The following MACROD2 variants were observed in gnomAD, a reference collection of about 807,000 sequenced individuals.
MACROD2 encodes the protein mono-ADP ribosylhydrolase 2.
MACROD2 carries 36 observed loss-of-function variants against 70.4 expected under a neutral mutation model. That is an observed-to-expected ratio of 0.51 (90% CI 0.39 to 0.68). MACROD2 has a LOEUF of 0.68. MACROD2 is among the 30% of genes least tolerant of loss of function. The pLI is 0.00. For missense variants in MACROD2, 496 were observed against 538.4 expected, an observed-to-expected ratio of 0.92 and a Z score of 0.78; for synonymous variants, 172 against 178.8, an observed-to-expected ratio of 0.96 and a Z score of 0.30.
At chr20:15,173,008 A>G (rs1211165795) in intron 5 of MACROD2, among the ~76,000 whole-genome samples, 1 of 152,160 alleles carries the variant, frequency 6.6e-6, no homozygotes, top group Non-Finnish European at 1.5e-5. Flanking sequence ...AAGAATATTA[A>G]TTAAAAAATA....
At chr20:15,240,669 C>A (rs1381974281) in intron 6 of MACROD2, among the ~76,000 whole-genome samples, 1 of 152,072 alleles carries the variant, frequency 6.6e-6, no homozygotes, top group African/African-American at 2.4e-5. Flanking sequence ...GAATTGTGTC[C>A]CATCAAAATT....
At chr20:14,463,210 T>A (rs1043935549) in intron 3 of MACROD2, among the ~76,000 whole-genome samples, 1 of 152,050 alleles carries the variant, frequency 6.6e-6, no homozygotes, top group African/African-American at 2.4e-5. Context: ...TTTTATTTCA[T>A]TGAGCAGTGG....
intron 4 of MACROD2, among the ~76,000 whole-genome samples, chr20:14,602,394 C>T (rs1267068526): frequency 6.6e-6 from 1 of 152,218 alleles, no homozygotes; most frequent in African/African-American, 2.4e-5. Flanking sequence ...TTTAGTCAAA[C>T]CCTCTGTGCA....
At chr20:15,515,606 G>C (rs1233771) in intron 8 of MACROD2, among the ~76,000 whole-genome samples, 4 of 152,166 alleles carry the variant, frequency 2.6e-5, no homozygotes, top group African/African-American at 4.8e-5. Flanking sequence ...TTTGTTTTGT[G>C]TTTTAATCCA....
At chr20:14,663,611 G>A (rs1358604479) in intron 4 of MACROD2, among the ~76,000 whole-genome samples, 1 of 151,094 alleles carries the variant, frequency 6.6e-6, no homozygotes, top group African/African-American at 2.4e-5. Context: ...ATATATATAT[G>A]AGGTAAAATA....
intron 7 of MACROD2, among the ~76,000 whole-genome samples, chr20:15,450,831 C>G (rs951665336): frequency 6.6e-6 from 1 of 152,106 alleles, no homozygotes. Context: ...ACCTCAGGTG[C>G]TTCTGATGTG....
chr20:14,648,621 C>CATATATATATATATATATATATAT (rs753035871), intron 4 of MACROD2, among the ~76,000 whole-genome samples: 12 of 148,804 alleles, frequency 8.1e-5, no homozygotes, highest in African/African-American at 2.5e-4. Context: ...TTTATTTAAA[C>CATATATATATATATATATATATAT]ATATATATAT....
intron 4 of MACROD2, among the ~76,000 whole-genome samples, chr20:14,632,131 CACTT>C (rs1165163099): frequency 6.6e-6 from 1 of 151,648 alleles, no homozygotes; most frequent in African/African-American, 2.4e-5. Flanking sequence ...AGTCTAAGGA[CACTT>C]ACAGAGAAAG....
At chr20:15,670,653 AG>A (rs1230086373) in intron 8 of MACROD2, among the ~76,000 whole-genome samples, 2 of 152,238 alleles carry the variant, frequency 1.3e-5, no homozygotes, top group African/African-American at 2.4e-5. Flanking sequence ...TTGGAAATGA[AG>A]ACACATAAAA....
At chr20:15,675,798 G>A (rs990791966) in intron 8 of MACROD2, among the ~76,000 whole-genome samples, 5 of 152,132 alleles carry the variant, frequency 3.3e-5, no homozygotes, top group African/African-American at 1.2e-4. Flanking sequence ...TAGAAGAGAA[G>A]TCATCTTTGT....
chr20:15,932,859 C>T lies in MACROD2; in HGVS notation c.776-417C>T, dbSNP rs542334963. Among the ~76,000 whole-genome samples, 26 of 151,956 alleles carry T rather than the reference C, an allele frequency of 1.7e-4. No homozygotes were observed. In the East Asian group the frequency reaches 4.8e-3, roughly 28 times the overall value. On this transcript the variant is annotated intron_variant, in intron 10 of 17. Transcript: ENST00000684519. The stretch of plus-strand genomic sequence containing the variant: ...ATATGGAAGTTAAGTGAAAATTGAC[C>T]TTTTTTTTGCAGCATATATCATACA...
chr20:14,825,972 T>C (rs1161392613), intron 5 of MACROD2, among the ~76,000 whole-genome samples: 2 of 152,162 alleles, frequency 1.3e-5, no homozygotes, highest in East Asian at 1.9e-4. Context: ...AATAAGGAGA[T>C]AGGCTTTTAT....
chr20:15,982,208 G>A (rs570176327), intron 13 of MACROD2, among the ~76,000 whole-genome samples: 16 of 152,102 alleles, frequency 1.1e-4, no homozygotes, highest in African/African-American at 3.4e-4. Flanking sequence ...AGCACACATC[G>A]GGCAGGTCAC....
intron 5 of MACROD2, among the ~76,000 whole-genome samples, chr20:15,045,734 T>G (rs1011302967): frequency 2.0e-5 from 3 of 147,280 alleles, no homozygotes; most frequent in African/African-American, 5.0e-5. Context: ...TTTTTTTTTT[T>G]TTTTTTTTTT....
At chr20:15,424,348 A>G (rs1346614803) in intron 6 of MACROD2, among the ~76,000 whole-genome samples, 2 of 152,226 alleles carry the variant, frequency 1.3e-5, no homozygotes, top group Non-Finnish European at 2.9e-5. Flanking sequence ...CCATGGTTTG[A>G]AAATGCTGAA....
intron 2 of MACROD2, among the ~76,000 whole-genome samples, chr20:14,041,734 G>A (rs2148640397): frequency 6.6e-6 from 1 of 152,248 alleles, no homozygotes; most frequent in South Asian, 2.1e-4. Flanking sequence ...GAGATGTCAG[G>A]GCTAGGGCAG....
At chr20:15,542,425 CTAT>C (rs1269019399) in intron 8 of MACROD2, among the ~76,000 whole-genome samples, 1 of 152,164 alleles carries the variant, frequency 6.6e-6, no homozygotes, top group East Asian at 1.9e-4. Flanking sequence ...CTTCATGAAT[CTAT>C]TAAGAAACCA....
At chr20:15,063,552 A>G (rs2075550795) in intron 5 of MACROD2, among the ~76,000 whole-genome samples, 1 of 152,160 alleles carries the variant, frequency 6.6e-6, no homozygotes, top group Non-Finnish European at 1.5e-5. Flanking sequence ...TGGGTACATC[A>G]TGTTTTAGTC....
At position 14,451,456 on chromosome 20, in the gene MACROD2, A is replaced by C. The variant is rs564959637; in HGVS notation, c.272-42023A>C. Among the ~76,000 whole-genome samples the C allele has an allele frequency of 4.9e-4, 75 of 152,236 alleles. 1 individual carries two copies. The South Asian group carries it at 7.5e-3, about 15-fold the overall frequency. On this transcript the variant is annotated intron_variant, in intron 3 of 17. Transcript: ENST00000684519. ...AGAGAAACTGTGTCTCGACAAAAAA[A>C]CAAAGTGTGTTACCCCAAGCATGTT...
Sources: allele counts gnomAD v4.1 joint callset (sites outside exome capture counted in the v4.1 genomes callset), GRCh38; gene constraint gnomAD v4.1.1; transcripts MANE v1.5; gene names NCBI Gene and HGNC (gene_info 2026-07-23, HGNC 2026-07-21).